Variants in DSCAM observed in about 807,000 individuals in gnomAD.
DSCAM encodes cell adhesion molecule DSCAM.
DSCAM carries 47 observed loss-of-function variants against 217.7 expected under a neutral mutation model. The observed-to-expected ratio is 0.22, with a 90% CI of 0.17 to 0.28. DSCAM has a LOEUF of 0.28. Ranked by LOEUF, DSCAM falls within the 10% of genes least tolerant of loss-of-function variation. DSCAM has a pLI of 1.00. For synonymous variants in DSCAM, 1,056 were observed against 1,015.3 expected, an observed-to-expected ratio of 1.04 and a Z score of -0.76; for missense variants, 2,080 against 2,618.3, an observed-to-expected ratio of 0.79 and a Z score of 4.49.
At chr21:40,346,192 T>C (rs113439947) in intron 6 of DSCAM, among the ~76,000 whole-genome samples, 1 of 152,230 alleles carries the variant, frequency 6.6e-6, no homozygotes, top group Non-Finnish European at 1.5e-5. Context: ...GCAAACTGGT[T>C]CTGCACAAAT....
intron 16 of DSCAM, among the ~76,000 whole-genome samples, chr21:40,158,096 T>C (rs138525408): frequency 1.3e-5 from 2 of 152,240 alleles, no homozygotes; most frequent in East Asian, 3.9e-4. Flanking sequence ...ATTGAAAAAG[T>C]TGTCTGGGCA....
chr21:40,680,227 A>T lies in DSCAM; in HGVS notation c.508+12583T>A, dbSNP rs181957975. 2.0e-3 allele frequency among the ~76,000 whole-genome samples: 300 copies of T among 152,308 alleles called. 2 individuals are homozygous for T. The highest frequency in any genetic ancestry group is 0.011 in the South Asian group (55 of 4,810). On this transcript the variant is annotated intron_variant, in intron 3 of 32. Transcript: ENST00000400454. ...GGTCCAGGTTGAATATGGGGTATGGACCTAGACACTGGCTTCAGGCTCCAC... is the reference window on the plus strand; with the variant it reads ...GGTCCAGGTTGAATATGGGGTATGGTCCTAGACACTGGCTTCAGGCTCCAC...
At chr21:40,087,382 T>C (rs1352178040) in intron 21 of DSCAM, 95 bp from the exon 22 acceptor site, 11 of 891,794 alleles carry the variant, frequency 1.2e-5, no homozygotes, top group Non-Finnish European at 1.8e-5. Context: ...TACCTAAAAA[T>C]GGATGTGAAG....
intron 19 of DSCAM, among the ~76,000 whole-genome samples, chr21:40,129,780 C>T (rs1476245916): frequency 6.6e-6 from 1 of 152,188 alleles, no homozygotes; most frequent in Non-Finnish European, 1.5e-5. Flanking sequence ...TGCAATCTAC[C>T]CCCTTTCAGG....
At chr21:40,254,871 T>C (rs2146966362) in intron 11 of DSCAM, among the ~76,000 whole-genome samples, 1 of 152,108 alleles carries the variant, frequency 6.6e-6, no homozygotes, top group Middle Eastern at 3.4e-3. Flanking sequence ...AGAGTGGCTT[T>C]CCCTTATCTC....
At chr21:40,283,119 G>A (rs890219412) in intron 10 of DSCAM, among the ~76,000 whole-genome samples, 1 of 152,176 alleles carries the variant, frequency 6.6e-6, no homozygotes, top group African/African-American at 2.4e-5. Context: ...TGTTTAATTG[G>A]AGGGAAGTAG....
At chr21:40,586,752 C>G (rs2076949928) in intron 3 of DSCAM, among the ~76,000 whole-genome samples, 1 of 152,184 alleles carries the variant, frequency 6.6e-6, no homozygotes, top group Non-Finnish European at 1.5e-5. Context: ...GCCCAAGAAA[C>G]ACATGGAACA....
chr21:40,639,831 G>A (rs1277552646), intron 3 of DSCAM, among the ~76,000 whole-genome samples: 1 of 152,058 alleles, frequency 6.6e-6, no homozygotes, highest in Admixed American at 6.6e-5. Flanking sequence ...AAACAAAAAT[G>A]CTTTTTCCCT....
At chr21:40,231,237 T>C (rs1265766092) in intron 11 of DSCAM, among the ~76,000 whole-genome samples, 2 of 151,488 alleles carry the variant, frequency 1.3e-5, no homozygotes, top group Non-Finnish European at 2.9e-5. Context: ...TCTGTGAAAG[T>C]GTGAGGACGA....
In DSCAM at chr21:40,562,260, C is replaced by G. The variant is rs932067513; in HGVS notation, c.508+130550G>C. On this transcript the variant is annotated intron_variant, in intron 3 of 32. Transcript: ENST00000400454. Reference sequence around the variant, plus strand: ...TCTCATGATAGTGAGTGAATTCTCACGAGATCTGATGGTTTTATAAATGTT... The same window carrying G: ...TCTCATGATAGTGAGTGAATTCTCAGGAGATCTGATGGTTTTATAAATGTT... Among the ~76,000 whole-genome samples, 37 of 152,244 alleles carry G rather than the reference C, an allele frequency of 2.4e-4. No individual in the cohort carries two copies. In the South Asian group the frequency reaches 7.0e-3, roughly 29 times the overall value.
Position 40,167,161 on chromosome 21 carries a change from G to T in DSCAM, c.3018+57C>A, listed in dbSNP as rs577147522. The T allele has an allele frequency of 5.2e-6, 8 of 1,531,160 alleles. No homozygotes were observed. The African/African-American group carries it at 8.2e-5, about 16-fold the overall frequency. 94.8% of individuals were successfully genotyped at this position (1,531,160 alleles called of 1,614,324 possible). On this transcript the variant is annotated intron_variant, in intron 16 of 32. Coordinates refer to ENST00000400454, the MANE Select transcript of DSCAM (RefSeq NM_001389.5). ...CTTGGTGTCATAACACTGAACAGGA[G>T]TGAAGGGCTCGCCCTGGGGGGAAAG...
At chr21:40,025,040 G>T (rs200288930) in intron 32 of DSCAM, among the ~76,000 whole-genome samples, 1 of 121,136 alleles carries the variant, frequency 8.3e-6, no homozygotes, top group African/African-American at 3.0e-5. Context: ...TTTGAGATAC[G>T]TCCCATCAAT....
chr21:40,334,237 T>C (rs879745372), intron 8 of DSCAM, among the ~76,000 whole-genome samples: 2 of 152,110 alleles, frequency 1.3e-5, no homozygotes, highest in African/African-American at 2.4e-5. Flanking sequence ...TACTCTCCCA[T>C]ATCTAATTTC....
intron 11 of DSCAM, among the ~76,000 whole-genome samples, chr21:40,253,585 A>AC (rs1342842095): frequency 1.3e-5 from 2 of 152,122 alleles, no homozygotes; most frequent in Non-Finnish European, 2.9e-5. Context: ...ATTCAGCCTC[A>AC]CCCCCTGACC....
At chr21:40,319,986 G>A (rs777170001) in intron 8 of DSCAM, among the ~76,000 whole-genome samples, 4 of 152,126 alleles carry the variant, frequency 2.6e-5, no homozygotes, top group South Asian at 2.1e-4. Context: ...ACTTATAAGC[G>A]GGAGTTGAAC....
chr21:40,133,786 G>A (rs2090178794), intron 19 of DSCAM, 68 bp downstream of exon 19: 2 of 1,515,484 alleles, frequency 1.3e-6, no homozygotes, highest in Admixed American at 4.2e-5. Flanking sequence ...CAGGGTAAAG[G>A]CAAGTGAGCT....
chr21:40,832,964 T>C (rs1328316465), intron 1 of DSCAM, among the ~76,000 whole-genome samples: 2 of 152,208 alleles, frequency 1.3e-5, no homozygotes, highest in Non-Finnish European at 2.9e-5. Context: ...GTACACGGCA[T>C]GCAAGAGCAA....
intron 5 of DSCAM, among the ~76,000 whole-genome samples, chr21:40,348,215 A>G (rs2074582956): frequency 1.3e-5 from 2 of 152,208 alleles, no homozygotes; most frequent in African/African-American, 2.4e-5. Context: ...TACCCCACAC[A>G]GTTCCTATCA....
At chr21:40,400,164 T>A (rs1298353951) in intron 3 of DSCAM, among the ~76,000 whole-genome samples, 1 of 152,174 alleles carries the variant, frequency 6.6e-6, no homozygotes, top group Non-Finnish European at 1.5e-5. Context: ...TTGGAGACCA[T>A]AAAGAGGTTT....
Sources: allele counts gnomAD v4.1 joint callset (sites outside exome capture counted in the v4.1 genomes callset), GRCh38; gene constraint gnomAD v4.1.1; transcripts MANE v1.5; gene names NCBI Gene and HGNC (gene_info 2026-07-23, HGNC 2026-07-21).